The following PTCHD4 variants were observed in gnomAD, a reference collection of about 807,000 sequenced individuals.
PTCHD4 encodes patched domain containing 4, also known as patched domain-containing protein 4.
In PTCHD4, 33 loss-of-function variants were observed where a neutral mutation model predicts 58.1. The ratio of observed to expected loss-of-function variants is 0.57; its 90% CI spans 0.43 to 0.76. PTCHD4 has a LOEUF of 0.76. PTCHD4 is among the 30% of genes least tolerant of loss of function. The pLI, the probability that PTCHD4 is intolerant of heterozygous loss-of-function variation, is 0.00. For missense variants in PTCHD4, 1,058 were observed against 1,027.1 expected (o/e 1.03, Z -0.41); for synonymous variants, 478 against 409.6 (o/e 1.17, Z -2.02).
intron 4 of PTCHD4, among the ~76,000 whole-genome samples, chr6:47,948,082 T>C (rs973514178): frequency 2.6e-5 from 4 of 152,224 alleles, no homozygotes; most frequent in Non-Finnish European, 4.4e-5. Flanking sequence ...GGTATTCTGC[T>C]TCAGAGCTGG....
chr6:47,916,912 T>TA (rs1425103520), intron 4 of PTCHD4, among the ~76,000 whole-genome samples: 1 of 152,086 alleles, frequency 6.6e-6, no homozygotes, highest in Non-Finnish European at 1.5e-5. Context: ...CCTGGGGTGG[T>TA]ACTCCTCAGT....
chr6:47,918,441 A>T (rs1183352647), intron 4 of PTCHD4, among the ~76,000 whole-genome samples: 1 of 152,196 alleles, frequency 6.6e-6, no homozygotes, highest in Non-Finnish European at 1.5e-5. Context: ...CCAGGACAAC[A>T]AAGTACCAAA....
Position 47,865,158 on chromosome 6 carries a change from G to A in PTCHD4, c.*13145C>T, listed in dbSNP as rs867358410. ...GTGTCTCTAGCTATAATACGTGCATGTAGATAAGAGTTATATATACCTGAG... is the reference window on the plus strand; with the variant it reads ...GTGTCTCTAGCTATAATACGTGCATATAGATAAGAGTTATATATACCTGAG... On this transcript the variant is annotated 3_prime_UTR_variant, in exon 5 of 5. Transcript: ENST00000339488. Among the ~76,000 whole-genome samples the A allele has an allele frequency of 1.3e-5, 2 of 151,904 alleles. No individual in the cohort carries two copies. Among genetic ancestry groups the A allele is most frequent in the Non-Finnish European group, 1.5e-5 (1 of 67,900 alleles).
At chr6:47,965,840 G>A (rs1052376501) in intron 4 of PTCHD4, among the ~76,000 whole-genome samples, 5 of 152,088 alleles carry the variant, frequency 3.3e-5, no homozygotes, top group East Asian at 3.9e-4. Flanking sequence ...GCATGAACCC[G>A]GGAGGCGGGG....
chr6:47,909,135 T>C (rs910195769), intron 4 of PTCHD4, among the ~76,000 whole-genome samples: 3 of 152,098 alleles, frequency 2.0e-5, no homozygotes, highest in African/African-American at 7.2e-5. Context: ...GTCAGGAGGG[T>C]CAAAATAAAT....
intron 4 of PTCHD4, among the ~76,000 whole-genome samples, chr6:47,902,616 T>G (rs1208467535): frequency 6.6e-6 from 1 of 152,228 alleles, no homozygotes; most frequent in Non-Finnish European, 1.5e-5. Context: ...AGTTTTCACT[T>G]CCATTTCAAA....
rs143194043 is a variant in PTCHD4 at position 48,041,647 on chromosome 6, G to A, written c.417+26583C>T. 7.9e-5 allele frequency among the ~76,000 whole-genome samples: 12 copies of A among 152,128 alleles called. No homozygotes were observed. In the East Asian group the frequency reaches 2.3e-3, roughly 29 times the overall value. ...TGTTATTGAGATTATTGTCCGGTAT[G>A]TCAACTCTTCAAGATTCAGCAATAA... On this transcript the variant is annotated intron_variant, in intron 3 of 4. Transcript: ENST00000339488.
At chr6:47,924,171 C>T (rs1217406188) in intron 4 of PTCHD4, among the ~76,000 whole-genome samples, 1 of 152,022 alleles carries the variant, frequency 6.6e-6, no homozygotes, top group Non-Finnish European at 1.5e-5. Context: ...CCCCCTCATC[C>T]CGAGCTGCTG....
intron 3 of PTCHD4, among the ~76,000 whole-genome samples, chr6:48,058,104 G>A (rs183343372): frequency 1.0e-3 from 158 of 152,316 alleles, no homozygotes; most frequent in African/African-American, 3.5e-3. Flanking sequence ...GCCATCTCCA[G>A]GTTAATTAAA....
At chr6:48,089,346 G>C (rs1012818950) in intron 1 of PTCHD4, among the ~76,000 whole-genome samples, 1 of 152,032 alleles carries the variant, frequency 6.6e-6, no homozygotes, top group Non-Finnish European at 1.5e-5. Flanking sequence ...TAGTGGAATA[G>C]GTTGAAATCC....
At chr6:47,884,606 C>T (rs1181540269) in intron 4 of PTCHD4, among the ~76,000 whole-genome samples, 1 of 152,174 alleles carries the variant, frequency 6.6e-6, no homozygotes, top group Non-Finnish European at 1.5e-5. Context: ...TTCCCAGTAC[C>T]CAGTCCTAAC....
chr6:47,897,928 TTTTC>T (rs1339127823), intron 4 of PTCHD4, among the ~76,000 whole-genome samples: 2 of 145,572 alleles, frequency 1.4e-5, no homozygotes, highest in African/African-American at 5.1e-5. Flanking sequence ...ATCCTTTCTT[TTTTC>T]TTTCTTTCTT....
chr6:48,088,755 G>A (rs538198890), intron 1 of PTCHD4, among the ~76,000 whole-genome samples: 3 of 152,064 alleles, frequency 2.0e-5, no homozygotes, highest in Non-Finnish European at 4.4e-5. Flanking sequence ...TTAAAGGAAT[G>A]GGGGATGGCC....
intron 1 of PTCHD4, among the ~76,000 whole-genome samples, chr6:48,109,152 T>C (rs1443410925): frequency 6.6e-6 from 1 of 152,156 alleles, no homozygotes; most frequent in Non-Finnish European, 1.5e-5. Context: ...ATCTGCTTAT[T>C]TTGTGAATTC....
intron 4 of PTCHD4, among the ~76,000 whole-genome samples, chr6:47,979,132 G>T (rs1297462888): frequency 6.6e-6 from 1 of 152,020 alleles, no homozygotes; most frequent in African/African-American, 2.4e-5. Flanking sequence ...ACTAATCAAT[G>T]GTGACATATA....
rs1763644742 is a variant in PTCHD4 at position 47,868,902 on chromosome 6, G to A, written c.*9401C>T. Among the ~76,000 whole-genome samples the A allele has an allele frequency of 6.6e-6, 1 of 151,572 alleles. No individual in the cohort carries two copies. The highest frequency in any genetic ancestry group is 2.4e-5 in the African/African-American group (1 of 41,350). On this transcript the variant is annotated 3_prime_UTR_variant, in exon 5 of 5. Coordinates refer to ENST00000339488, the MANE Select transcript of PTCHD4 (RefSeq NM_001384253.1). ...GGACAGGAAAATGGCTATTGAATAA[G>A]TCCAAACATTTCCAGGAAAGACATA... is the stretch of plus-strand genomic sequence containing the variant.
At chr6:47,993,000 G>A (rs1431178809) in intron 4 of PTCHD4, among the ~76,000 whole-genome samples, 3 of 152,170 alleles carry the variant, frequency 2.0e-5, no homozygotes, top group Admixed American at 1.3e-4. Context: ...TTAGATAGAA[G>A]CCTGCAGTAT....
chr6:48,041,496 A>C (rs1040809630), intron 3 of PTCHD4, among the ~76,000 whole-genome samples: 1 of 152,034 alleles, frequency 6.6e-6, no homozygotes, highest in Non-Finnish European at 1.5e-5. Flanking sequence ...TACACACCTA[A>C]CTATATCATT....
Position 47,868,894 on chromosome 6 carries a change from T to C in PTCHD4, c.*9409A>G, listed in dbSNP as rs1489019719. On this transcript the variant is annotated 3_prime_UTR_variant, in exon 5 of 5. Coordinates refer to ENST00000339488, the MANE Select transcript of PTCHD4 (RefSeq NM_001384253.1). ...CTAAATTTGGACAGGAAAATGGCTA[T>C]TGAATAAGTCCAAACATTTCCAGGA... Among the ~76,000 whole-genome samples the C allele has an allele frequency of 1.3e-5, 2 of 151,696 alleles. No homozygotes were observed. Among genetic ancestry groups the C allele is most frequent in the East Asian group, 1.9e-4 (1 of 5,140 alleles).
Sources: allele counts gnomAD v4.1 joint callset (sites outside exome capture counted in the v4.1 genomes callset), GRCh38; gene constraint gnomAD v4.1.1; transcripts MANE v1.5; gene names NCBI Gene and HGNC (gene_info 2026-07-23, HGNC 2026-07-21).